Variants in RXRG observed in about 807,000 individuals in gnomAD.
RXRG encodes retinoic acid receptor RXR-gamma.
In RXRG, 19 loss-of-function variants were observed where a neutral mutation model predicts 49.2. The ratio of observed to expected loss-of-function variants is 0.39; its 90% confidence interval spans 0.27 to 0.57. The LOEUF is 0.57. Ranked by LOEUF, RXRG falls within the 20% of genes least tolerant of loss-of-function variation. The pLI, the probability that RXRG is intolerant of heterozygous loss-of-function variation, is 0.64. For synonymous variants in RXRG, 224 were observed against 216.6 expected (o/e 1.03, Z -0.30); for missense variants, 452 against 592.5 (o/e 0.76, Z 2.46).
intron 1 of RXRG, among the ~76,000 whole-genome samples, chr1:165,434,947 G>GT (rs2101742577): frequency 6.6e-6 from 1 of 152,310 alleles, no homozygotes; most frequent in Admixed American, 6.5e-5. Context: ...CCTCTGTTGT[G>GT]TAACAATAAT....
At chr1:165,401,448 G>T (rs1046915368) in intron 9 of RXRG, 38 bp from the exon 10 acceptor site, 1 of 1,610,518 alleles carries the variant, frequency 6.2e-7, no homozygotes, top group Non-Finnish European at 8.5e-7. Flanking sequence ...ACAGGGACGG[G>T]CAGGCACTGC....
At chr1:165,407,891 T>C (rs1657807853) in intron 8 of RXRG, among the ~76,000 whole-genome samples, 1 of 152,014 alleles carries the variant, frequency 6.6e-6, no homozygotes, top group Non-Finnish European at 1.5e-5. Flanking sequence ...TATAACTCCT[T>C]TCTTTCTTTC....
Position 165,410,974 on chromosome 1 carries a change from T to C in RXRG, c.758A>G (p.Tyr253Cys), listed in dbSNP as rs1657924352. 1.9e-6 allele frequency: 3 copies of C among 1,614,046 alleles called. No homozygotes were observed. Among genetic ancestry groups the C allele is most frequent in the African/African-American group, 1.3e-5 (1 of 74,926 alleles). The part of the protein sequence containing the change: ...ELAVEPKTES[Y>C]GDMNMENSTN... ...CGAGTTCTCCATATTCATGTCACCA[T>C]AGGATTCTGTCTTTGGTTCAACAGC... The change falls in exon 5 of 10, where the codon TAT becomes TGT. Residue 253 changes from tyrosine (Y) to cysteine (C), a missense_variant. By Grantham distance (194) the Tyr-to-Cys change is radical (BLOSUM62 -2). Transcript: ENST00000359842.
intron 9 of RXRG, among the ~76,000 whole-genome samples, chr1:165,406,596 C>CTG (rs1657757769): frequency 6.6e-6 from 1 of 152,224 alleles, no homozygotes; most frequent in African/African-American, 2.4e-5. Flanking sequence ...GTGTCGGGCA[C>CTG]TATTTTACGT....
intron 1 of RXRG, among the ~76,000 whole-genome samples, chr1:165,441,321 G>C (rs1175891985): frequency 6.6e-6 from 1 of 152,212 alleles, no homozygotes; most frequent in Non-Finnish European, 1.5e-5. Context: ...GCATATCTGA[G>C]GTTGTATTGG....
intron 1 of RXRG, among the ~76,000 whole-genome samples, chr1:165,431,302 A>C (rs1316386588): frequency 4.6e-5 from 7 of 152,218 alleles, no homozygotes; most frequent in Non-Finnish European, 8.8e-5. Flanking sequence ...GAAGGAGAGA[A>C]AAGAGGGCAG....
At chr1:165,438,771 A>G (rs1658892008) in intron 1 of RXRG, among the ~76,000 whole-genome samples, 1 of 152,254 alleles carries the variant, frequency 6.6e-6, no homozygotes, top group Admixed American at 6.5e-5. Flanking sequence ...ACATGGTCTT[A>G]TTAATTTACA....
intron 2 of RXRG, among the ~76,000 whole-genome samples, chr1:165,422,899 C>T (rs1410401807): frequency 6.6e-6 from 1 of 152,180 alleles, no homozygotes; most frequent in Non-Finnish European, 1.5e-5. Context: ...ATCATCATTC[C>T]CCATTCACCA....
At chr1:165,426,628 G>A (rs1429817585) in intron 2 of RXRG, among the ~76,000 whole-genome samples, 1 of 152,192 alleles carries the variant, frequency 6.6e-6, no homozygotes, top group African/African-American at 2.4e-5. Context: ...TGGAGTAGCA[G>A]AAAATGCTGA....
intron 9 of RXRG, among the ~76,000 whole-genome samples, chr1:165,405,002 G>A (rs1192921350): frequency 7.9e-5 from 12 of 152,094 alleles, no homozygotes; most frequent in Non-Finnish European, 1.6e-4. Context: ...CAGGTGATCC[G>A]CCAGCCTCAG....
At chr1:165,432,615 G>T (rs1185655730) in intron 1 of RXRG, among the ~76,000 whole-genome samples, 1 of 152,132 alleles carries the variant, frequency 6.6e-6, no homozygotes, top group African/African-American at 2.4e-5. Flanking sequence ...CATGGAAACT[G>T]CAGCCAATAC....
chr1:165,408,143 G>A, intron 8 of RXRG, 84 bp downstream of exon 8: 1 of 1,011,284 alleles, frequency 9.9e-7, no homozygotes, highest in Non-Finnish European at 1.6e-6. Flanking sequence ...AGCTGAGATG[G>A]AGGACCAATA....
intron 6 of RXRG, 26 bp downstream of exon 6, chr1:165,410,676 G>A (rs1225899813): frequency 6.2e-7 from 1 of 1,610,818 alleles, no homozygotes; most frequent in South Asian, 1.1e-5. Context: ...ATTGTCCCAG[G>A]AAAAAAGGCA....
At position 165,401,232 on chromosome 1, in the gene RXRG, T is replaced by C. The variant is rs776456051; in HGVS notation, c.*31A>G. ...TCCACACACACCTGCCCAGGGGTCA[T>C]CCTGGGTGGGGAGGCTGTGGCTGGT... On this transcript the variant is annotated 3_prime_UTR_variant, in exon 10 of 10. Transcript: ENST00000359842. 7 of 1,610,712 alleles carry C rather than the reference T, an allele frequency of 4.3e-6. No individual in the cohort carries two copies. Among genetic ancestry groups the C allele is most frequent in the Admixed American group, 1.7e-5 (1 of 59,902 alleles).
intron 4 of RXRG, among the ~76,000 whole-genome samples, chr1:165,413,613 C>T (rs1196164686): frequency 6.6e-6 from 1 of 152,146 alleles, no homozygotes; most frequent in Non-Finnish European, 1.5e-5. Flanking sequence ...ACAAGGATAC[C>T]AATGCTGCCC....
intron 3 of RXRG, among the ~76,000 whole-genome samples, chr1:165,419,122 G>A (rs192843651): frequency 4.9e-4 from 74 of 152,236 alleles, no homozygotes; most frequent in African/African-American, 1.8e-3. Context: ...CAGGAAGAAT[G>A]GAGAGGAAAG....
At chr1:165,414,090 T>G (rs934725936) in intron 4 of RXRG, among the ~76,000 whole-genome samples, 13 of 152,190 alleles carry the variant, frequency 8.5e-5, no homozygotes, top group Admixed American at 2.0e-4. Flanking sequence ...GGCTATCCAG[T>G]AGCCTTTTGA....
At chr1:165,411,569 G>T (rs1183707196) in intron 4 of RXRG, among the ~76,000 whole-genome samples, 1 of 152,176 alleles carries the variant, frequency 6.6e-6, no homozygotes, top group African/African-American at 2.4e-5. Flanking sequence ...CATTAGGTCT[G>T]CCCCTAGTGC....
chr1:165,444,550 TTCTA>T (rs1352057141), intron 1 of RXRG, among the ~76,000 whole-genome samples: 3 of 152,176 alleles, frequency 2.0e-5, no homozygotes, highest in Non-Finnish European at 2.9e-5. Context: ...AATGCTCTTA[TTCTA>T]TCTTTGTCTC....
Sources: allele counts gnomAD v4.1 joint callset (sites outside exome capture counted in the v4.1 genomes callset), GRCh38; gene constraint gnomAD v4.1.1; transcripts MANE v1.5; gene names NCBI Gene and HGNC (gene_info 2026-07-23, HGNC 2026-07-21).